Variants in AGO3 observed in about 807,000 individuals in gnomAD.
The protein encoded by AGO3 is argonaute RISC catalytic component 3.
A neutral mutation model predicts 105.5 loss-of-function variants in AGO3; 16 were observed. The ratio of observed to expected loss-of-function variants is 0.15; its 90% CI spans 0.10 to 0.23. The LOEUF (loss-of-function observed/expected upper bound fraction) is 0.23. Ranked by LOEUF, AGO3 falls within the 10% of genes least tolerant of loss-of-function variation. The probability of loss-of-function intolerance (pLI) is 1.00; values close to 1 mark genes in which losing one functional copy is unlikely to be tolerated. For synonymous variants in AGO3, 340 were observed against 367.3 expected (o/e 0.93, Z 0.85); for missense variants, 534 against 1,088.0 (o/e 0.49, Z 7.16).
At chr1:35,935,463 A>G (rs1432943570) in intron 1 of AGO3, among the ~76,000 whole-genome samples, 1 of 152,266 alleles carries the variant, frequency 6.6e-6, no homozygotes, top group Non-Finnish European at 1.5e-5. Context: ...AATGAATGAA[A>G]AGATATCTAC....
At chr1:35,996,756 C>T (rs1274327857) in intron 5 of AGO3, among the ~76,000 whole-genome samples, 1 of 125,754 alleles carries the variant, frequency 8.0e-6, no homozygotes, top group Non-Finnish European at 1.6e-5. Context: ...GGGCGACGAG[C>T]AAAACTCCAT....
Position 36,055,958 on chromosome 1 carries a change from T to C in AGO3, c.*213T>C. On this transcript the variant is annotated 3_prime_UTR_variant, in exon 19 of 19. Coordinates refer to ENST00000373191, the MANE Select transcript of AGO3 (RefSeq NM_024852.4). This position sits in a 1 kb window ranked among gnomAD's most constrained non-coding sequence, Gnocchi z 4.4. The stretch of plus-strand genomic sequence containing the variant: ...ATTATGCAATATGAAACCAGCCAAC[T>C]GCTTTTTGTGCGGTCTCCTATAGGA... 2.1e-6 allele frequency: 1 copy of C among 482,158 alleles called. No homozygotes were observed. The highest frequency in any genetic ancestry group is 3.7e-5 in the Admixed American group (1 of 26,792). The allele number at this position is 482,158 out of a possible 1,614,324, so 29.9% of individuals were successfully genotyped here.
intron 11 of AGO3, among the ~76,000 whole-genome samples, chr1:36,026,687 G>A (rs995192936): frequency 1.3e-5 from 2 of 152,120 alleles, no homozygotes; most frequent in African/African-American, 4.8e-5. Context: ...CATGGTCCTG[G>A]ATGGTGTGCT....
At chr1:35,967,594 T>G (rs1411452602) in intron 3 of AGO3, among the ~76,000 whole-genome samples, 4 of 152,022 alleles carry the variant, frequency 2.6e-5, no homozygotes, top group Non-Finnish European at 5.9e-5. Flanking sequence ...TTTTTGTGTT[T>G]GTAGTAGAGA....
chr1:35,940,523 T>C (rs1304620185), intron 1 of AGO3, among the ~76,000 whole-genome samples: 1 of 152,200 alleles, frequency 6.6e-6, no homozygotes, highest in Non-Finnish European at 1.5e-5. Flanking sequence ...ACGATCTGGA[T>C]TTTGCTGGTT....
At chr1:35,962,205 AAGT>A (rs1646688546) in intron 2 of AGO3, among the ~76,000 whole-genome samples, 1 of 152,134 alleles carries the variant, frequency 6.6e-6, no homozygotes, top group Non-Finnish European at 1.5e-5. Context: ...TACTTAGAAA[AAGT>A]AGGGAAACTT....
rs1042406823 is a variant in AGO3 at position 36,060,255 on chromosome 1, A to G, written c.*4510A>G. 43 of 152,142 alleles carry G rather than the reference A, an allele frequency of 2.8e-4. 1 individual carries two copies. The highest frequency in any genetic ancestry group is 5.9e-5 in the Non-Finnish European group (4 of 68,028). The allele number at this position is 152,142 out of a possible 1,614,324, so 9.4% of individuals were successfully genotyped here. A position where few individuals can be genotyped will look rare whatever the true frequency, so the allele number is the denominator to read the frequency against. On this transcript the variant is annotated 3_prime_UTR_variant, in exon 19 of 19. Transcript: ENST00000373191. ...TGTTTGCTTGTGTATTCTCTAATGG[A>G]TTTTAGGAGGATAGGCCTTCTGACA...
At chr1:36,018,447 T>G (rs369644556) in intron 11 of AGO3, among the ~76,000 whole-genome samples, 31 of 152,036 alleles carry the variant, frequency 2.0e-4, no homozygotes, top group African/African-American at 3.6e-4. Flanking sequence ...TTTTTTTTTG[T>G]TTTTTGGTTT....
In AGO3 at chr1:36,043,553, G is replaced by C. The variant is rs563974329; in HGVS notation, c.2274+5G>C. ...TGTAGCCATGCTGGAATACAGGTAA[G>C]CCTACACTTTGGGTAAAATATTTTA... On this transcript the variant is annotated splice_donor_5th_base_variant and intron_variant, in intron 17 of 18. Transcript: ENST00000373191. The C allele has an allele frequency of 6.3e-7, 1 of 1,590,530 alleles. No individual in the cohort carries two copies. Among genetic ancestry groups the C allele is most frequent in the East Asian group, 2.2e-5 (1 of 44,486 alleles).
chr1:35,955,202 A>T (rs986548084), intron 2 of AGO3, among the ~76,000 whole-genome samples: 8 of 152,242 alleles, frequency 5.3e-5, no homozygotes, highest in African/African-American at 9.6e-5. Context: ...ACCATACTTG[A>T]TGACAGTGTG....
chr1:36,018,747 T>A (rs998689985), intron 11 of AGO3, among the ~76,000 whole-genome samples: 10 of 152,158 alleles, frequency 6.6e-5, no homozygotes, highest in African/African-American at 2.4e-4. Context: ...AGGTTTTTTT[T>A]ATCCTTCACA....
In AGO3 at chr1:36,058,629, C is replaced by T. The variant is rs538664302; in HGVS notation, c.*2884C>T. 3.9e-5 allele frequency: 6 copies of T among 152,248 alleles called. No homozygotes were observed. In the South Asian group the frequency reaches 1.0e-3, roughly 26 times the overall value. 9.4% of individuals were successfully genotyped at this position (152,248 alleles called of 1,614,324 possible). On this transcript the variant is annotated 3_prime_UTR_variant, in exon 19 of 19. Transcript: ENST00000373191. ...TGAGCCTAAAATCTGAGCCCATGTC[C>T]TCTGACAGGCATGAAATCTTTTGTC...
intron 2 of AGO3, among the ~76,000 whole-genome samples, chr1:35,966,396 A>G (rs1032292734): frequency 6.6e-6 from 1 of 152,134 alleles, no homozygotes; most frequent in Non-Finnish European, 1.5e-5. Context: ...TTTCTGTGTC[A>G]GTTACATTGG....
chr1:36,024,625 A>G (rs1052127865), intron 11 of AGO3, among the ~76,000 whole-genome samples: 1 of 152,070 alleles, frequency 6.6e-6, no homozygotes, highest in Non-Finnish European at 1.5e-5. Context: ...GACGAAAGCT[A>G]CTCTGAAATG....
At chr1:35,976,149 G>A (rs1646953664) in intron 5 of AGO3, among the ~76,000 whole-genome samples, 1 of 152,100 alleles carries the variant, frequency 6.6e-6, no homozygotes, top group African/African-American at 2.4e-5. Flanking sequence ...TGGTCAGGCT[G>A]GTCTCGAACT....
In AGO3 at chr1:36,060,736, A is replaced by C. The variant is rs896937218; in HGVS notation, c.*4991A>C. 2 of 152,180 alleles carry C rather than the reference A, an allele frequency of 1.3e-5. No individual in the cohort carries two copies. Among genetic ancestry groups the C allele is most frequent in the Non-Finnish European group, 2.9e-5 (2 of 68,028 alleles). 9.4% of individuals were successfully genotyped at this position (152,180 alleles called of 1,614,324 possible). On this transcript the variant is annotated 3_prime_UTR_variant, in exon 19 of 19. Coordinates refer to ENST00000373191, the MANE Select transcript of AGO3 (RefSeq NM_024852.4). The stretch of plus-strand genomic sequence containing the variant: ...GCCCTTAACAGTAACTTGCTACTTA[A>C]ATTACCTTTTATTAGTTAGTCAAGC...
At chr1:35,973,975 T>G (rs944553725) in intron 5 of AGO3, among the ~76,000 whole-genome samples, 2 of 152,316 alleles carry the variant, frequency 1.3e-5, no homozygotes. Flanking sequence ...GAGAGTAGTA[T>G]TATGAACTAC....
At chr1:35,954,671 G>T (rs990681028) in intron 2 of AGO3, among the ~76,000 whole-genome samples, 1 of 152,160 alleles carries the variant, frequency 6.6e-6, no homozygotes, top group African/African-American at 2.4e-5. Flanking sequence ...CTAGGTTCTA[G>T]CAATAATACA....
intron 5 of AGO3, among the ~76,000 whole-genome samples, chr1:36,001,314 C>G (rs998694297): frequency 6.6e-6 from 1 of 152,060 alleles, no homozygotes; most frequent in African/African-American, 2.4e-5. Flanking sequence ...CATACACATA[C>G]GTACACAAAC....
Sources: allele counts gnomAD v4.1 joint callset (sites outside exome capture counted in the v4.1 genomes callset), GRCh38; gene constraint gnomAD v4.1.1; non-coding constraint Gnocchi (gnomAD v3.1); transcripts MANE v1.5; gene names NCBI Gene and HGNC (gene_info 2026-07-23, HGNC 2026-07-21).